The following TRIM2 variants were observed in gnomAD, a reference collection of about 807,000 sequenced individuals.
The protein encoded by TRIM2 is tripartite motif containing 2.
Under a neutral mutation model 75.2 loss-of-function variants are expected in TRIM2, and 20 were observed. The ratio of observed to expected loss-of-function variants is 0.27; its 90% CI spans 0.19 to 0.39. The LOEUF (loss-of-function observed/expected upper bound fraction) is 0.39, where lower values mean the gene tolerates loss of function less well. Ranked by LOEUF, TRIM2 falls within the 10% of genes least tolerant of loss-of-function variation. TRIM2 has a pLI of 1.00. For synonymous variants in TRIM2, 373 were observed against 388.3 expected, an observed-to-expected ratio of 0.96 and a Z score of 0.46; for missense variants, 660 against 990.8, an observed-to-expected ratio of 0.67 and a Z score of 4.48.
At position 153,227,787 on chromosome 4, in the gene TRIM2, G is replaced by A. The variant is rs184893566; in HGVS notation, c.30+23227G>A. ...GGGGGAAGGGGAAGGGCTGGAACTT[G>A]TCTGACCACACCCTCCCCCGCTTTT... is the stretch of plus-strand genomic sequence containing the variant. On this transcript the variant is annotated intron_variant, in intron 1 of 11. Coordinates refer to ENST00000338700, the MANE Select transcript of TRIM2 (RefSeq NM_015271.5). Among the ~76,000 whole-genome samples, 276 of 152,282 alleles carry A rather than the reference G, an allele frequency of 1.8e-3. 1 individual carries two copies. Among genetic ancestry groups the A allele is most frequent in the South Asian group, 2.9e-3 (14 of 4,818 alleles).
chr4:153,219,847 G>C (rs140094700), intron 1 of TRIM2, among the ~76,000 whole-genome samples: 2 of 152,066 alleles, frequency 1.3e-5, no homozygotes, highest in African/African-American at 4.8e-5. Flanking sequence ...TAGCTTCGGT[G>C]ACAGAGTCAG....
chr4:153,293,089 G>T lies in TRIM2; in HGVS notation c.561G>T (p.Gln187His), dbSNP rs752837955. Residue 187 changes from glutamine (Q) to histidine (H), a missense_variant, in exon 4 of 12, where the codon CAG (glutamine) becomes CAT (histidine). Around this residue, in one of 2 missense-constraint regions of TRIM2, gnomAD observed 620 missense variants for 891.0 expected, o/e 0.70. Coordinates refer to ENST00000338700, the MANE Select transcript of TRIM2 (RefSeq NM_015271.5). ...TTCCACTCAAGGATGTGGTGGAACA[G>T]CACAAGGCCTCGCTCCAGGTCCAGC... The part of the protein sequence containing the change: ...PTVPLKDVVE[Q>H]HKASLQVQLD... 2.4e-5 allele frequency: 38 copies of T among 1,612,952 alleles called. No individual in the cohort carries two copies. Among genetic ancestry groups the T allele is most frequent in the Non-Finnish European group, 3.1e-5 (37 of 1,179,030 alleles).
In TRIM2 at chr4:153,337,800, T is replaced by A; in HGVS notation, c.*2834T>A. ...GTCATACATTCATGATAAGTAGCAC[T>A]GAAAAATTACTCATTCAAATTTCCC... On this transcript the variant is annotated 3_prime_UTR_variant, in exon 12 of 12. Transcript: ENST00000338700. 2 of 985,882 alleles carry A rather than the reference T, an allele frequency of 2.0e-6. No individual in the cohort carries two copies. The highest frequency in any genetic ancestry group is 2.4e-6 in the Non-Finnish European group (2 of 829,940). 61.1% of individuals were successfully genotyped at this position (985,882 alleles called of 1,614,324 possible). A position where few individuals can be genotyped will look rare whatever the true frequency, so the allele number is the denominator to read the frequency against.
chr4:153,254,740 ATG>A lies in TRIM2; in HGVS notation c.31-15589_31-15588del, dbSNP rs1307858867. On this transcript the variant is annotated intron_variant, in intron 1 of 11. Transcript: ENST00000338700. ...GCATTTTCCTATAATAAGCAATATTATGTGTGTTTGTTAGATTCACAGCTGAG... is the reference window on the plus strand; with the variant it reads ...GCATTTTCCTATAATAAGCAATATTATGTGTTTGTTAGATTCACAGCTGAG... Among the ~76,000 whole-genome samples, 7 of 152,344 alleles carry A rather than the reference ATG, an allele frequency of 4.6e-5. No individual in the cohort carries two copies. In the East Asian group the frequency reaches 1.2e-3, roughly 25 times the overall value.
At chr4:153,225,583 C>A (rs943116779) in intron 1 of TRIM2, among the ~76,000 whole-genome samples, 1 of 152,108 alleles carries the variant, frequency 6.6e-6, no homozygotes, top group African/African-American at 2.4e-5. Flanking sequence ...AGTATTTTCT[C>A]TGGAAGAAAA....
At chr4:153,164,847 T>G (rs997480600) in intron 1 of TRIM2, among the ~76,000 whole-genome samples, 1 of 152,244 alleles carries the variant, frequency 6.6e-6, no homozygotes, top group Admixed American at 6.5e-5. Flanking sequence ...ACTAGGACCA[T>G]GTAAATATTG....
chr4:153,270,294 G>A (rs1756360432), intron 1 of TRIM2, 41 bp from the exon 2 acceptor site: 1 of 1,584,860 alleles, frequency 6.3e-7, no homozygotes, highest in East Asian at 2.3e-5. Flanking sequence ...TGTACCTACA[G>A]ATCATTATAT....
At chr4:153,288,977 G>C (rs1761272773) in intron 3 of TRIM2, among the ~76,000 whole-genome samples, 1 of 152,032 alleles carries the variant, frequency 6.6e-6, no homozygotes, top group Non-Finnish European at 1.5e-5. Context: ...CATTTAGTGA[G>C]ACATTGTTCT....
chr4:153,262,311 G>T (rs1338127729), intron 1 of TRIM2, among the ~76,000 whole-genome samples: 1 of 152,114 alleles, frequency 6.6e-6, no homozygotes, highest in Admixed American at 6.5e-5. Context: ...GTGGGCAGGG[G>T]GCTAGGGAAT....
intron 1 of TRIM2, among the ~76,000 whole-genome samples, chr4:153,256,938 A>T (rs1036259576): frequency 1.4e-5 from 2 of 141,388 alleles, no homozygotes; most frequent in Non-Finnish European, 3.2e-5. Context: ...TTTTGCATTT[A>T]AAAAAATTAT....
chr4:153,335,722 C>A lies in TRIM2; in HGVS notation c.*756C>A. 1 of 985,680 alleles carries A rather than the reference C, an allele frequency of 1.0e-6. No individual in the cohort carries two copies. The highest frequency in any genetic ancestry group is 1.2e-6 in the Non-Finnish European group (1 of 829,922). The allele number at this position is 985,680 out of a possible 1,614,324, so 61.1% of individuals were successfully genotyped here. ...AAGCATATTACAAAAGTAATGCTAC[C>A]TTTTGGGAAACAAACTGCCCCGTTA... On this transcript the variant is annotated 3_prime_UTR_variant, in exon 12 of 12. Transcript: ENST00000338700.
rs557342596 is a variant in TRIM2, at chr4:153,181,398, A to G, written c.-49+28128A>G. Among the ~76,000 whole-genome samples the G allele has an allele frequency of 2.0e-5, 3 of 152,246 alleles. No individual in the cohort carries two copies. The East Asian group carries it at 5.8e-4, about 29-fold the overall frequency. Reference sequence around the variant, plus strand: ...TTCAGGAGAGGGGAATGGTTCCAATAAACAAGGCAGCGACCATGTGATGGC... The same window carrying G: ...TTCAGGAGAGGGGAATGGTTCCAATGAACAAGGCAGCGACCATGTGATGGC... On this transcript the variant is annotated intron_variant, in intron 1 of 11. Transcript: ENST00000437508.
intron 1 of TRIM2, among the ~76,000 whole-genome samples, chr4:153,162,799 G>A (rs1729869618): frequency 6.6e-6 from 1 of 152,172 alleles, no homozygotes; most frequent in Non-Finnish European, 1.5e-5. Context: ...TCTTTCCAGT[G>A]AGGCAGCACC....
chr4:153,256,284 C>A (rs952978202), intron 1 of TRIM2, among the ~76,000 whole-genome samples: 7 of 152,224 alleles, frequency 4.6e-5, no homozygotes, highest in Admixed American at 2.0e-4. Context: ...TCCCCCTCCT[C>A]CTACTACCAC....
rs763990586 is a variant in TRIM2 at position 153,270,360 on chromosome 4, C to A, written c.56C>A (p.Ala19Asp). The change falls in exon 2 of 12, where the codon GCC (alanine) becomes GAC (aspartate). Residue 19 changes from alanine (A) to aspartate (D), a missense_variant. Ala to Asp is a moderately radical substitution (Grantham distance 126). Coordinates refer to ENST00000338700, the MANE Select transcript of TRIM2 (RefSeq NM_015271.5). ...TQQQRAGSKT[A>D]GPPCQWSRMA... ...CAGCAGCGTGCAGGGTCAAAGACAGCCGGCCCCCCATGTCAGTGGTCTAGG... is the reference window on the plus strand; with the variant it reads ...CAGCAGCGTGCAGGGTCAAAGACAGACGGCCCCCCATGTCAGTGGTCTAGG... 1.2e-6 allele frequency: 2 copies of A among 1,612,816 alleles called. No individual in the cohort carries two copies. Among genetic ancestry groups the A allele is most frequent in the Admixed American group, 3.3e-5 (2 of 59,846 alleles).
At chr4:153,253,632 T>C (rs1039639128) in intron 1 of TRIM2, among the ~76,000 whole-genome samples, 5 of 152,174 alleles carry the variant, frequency 3.3e-5, no homozygotes, top group Admixed American at 2.6e-4. Context: ...TAGGATGAGA[T>C]AGGACGTCGG....
intron 6 of TRIM2, among the ~76,000 whole-genome samples, chr4:153,311,749 T>C (rs1766358560): frequency 6.7e-6 from 1 of 149,360 alleles, no homozygotes; most frequent in Non-Finnish European, 1.5e-5. Context: ...TTTGTAGAGA[T>C]GGGTTCTTAC....
At chr4:153,288,725 G>A (rs1396068175) in intron 3 of TRIM2, among the ~76,000 whole-genome samples, 1 of 150,302 alleles carries the variant, frequency 6.7e-6, no homozygotes, top group Non-Finnish European at 1.5e-5. Flanking sequence ...GGTATATTTG[G>A]TACACTTGAT....
At chr4:153,200,571 A>G (rs1734229803), upstream of TRIM2, among the ~76,000 whole-genome samples, 1 of 152,018 alleles carries the variant, frequency 6.6e-6, no homozygotes, top group South Asian at 2.1e-4. Context: ...TTGCTTGCTC[A>G]TATGGTAATT....
Sources: gnomAD v4.1 joint callset for allele counts (sites outside exome capture counted in the v4.1 genomes callset) on GRCh38, gnomAD v4.1.1 for gene constraint, gnomAD v4.1.1 regional missense constraint, MANE v1.5 for transcripts, NCBI Gene and HGNC (gene_info 2026-07-23, HGNC 2026-07-21) for gene names.